Variants in DESI1 observed in about 807,000 individuals in gnomAD.
DESI1 encodes desumoylating isopeptidase 1, also known as PPPDE peptidase domain containing 2.
In DESI1, 17 loss-of-function variants were observed where a neutral mutation model predicts 22.4. The ratio of observed to expected loss-of-function variants is 0.76; its 90% confidence interval spans 0.52 to 1.14. DESI1 has a LOEUF of 1.14. Ranked by LOEUF, DESI1 falls within the 50% of genes most tolerant of loss-of-function variation. The pLI is 0.00. For synonymous variants in DESI1, 92 were observed against 84.2 expected (o/e 1.09, Z -0.51); for missense variants, 177 against 208.9 (o/e 0.85, Z 0.94).
intron 1 of DESI1, among the ~76,000 whole-genome samples, chr22:41,609,909 C>T (rs751194406): frequency 1.3e-5 from 2 of 149,192 alleles, no homozygotes; most frequent in African/African-American, 2.5e-5. Context: ...TCAACAACCC[C>T]GTTTCTACTA....
At chr22:41,609,338 GT>G (rs2067502566) in intron 1 of DESI1, among the ~76,000 whole-genome samples, 1 of 152,192 alleles carries the variant, frequency 6.6e-6, no homozygotes, top group Non-Finnish European at 1.5e-5. Context: ...TACCCAGCCT[GT>G]TTAAGTCTGT....
Position 41,620,762 on chromosome 22 carries a change from G to A in DESI1, c.78C>T (p.Pro26=). Residue 26 remains proline (P), a synonymous_variant, in exon 1 of 6, where the codon CCC becomes CCT. Coordinates refer to ENST00000263256, the MANE Select transcript of DESI1 (RefSeq NM_015704.3). ...CCCCTTCCCCCTCACCCAGCATGAT[G>A]GGGCTGAGCCGCCGGGCCAGGCCTT... ...LSKGLARRLS[P]IMLGKQLEGI... The A allele has an allele frequency of 6.2e-7, 1 of 1,610,916 alleles. No individual in the cohort carries two copies. Among genetic ancestry groups the A allele is most frequent in the Non-Finnish European group, 8.5e-7 (1 of 1,178,690 alleles).
At chr22:41,606,368 A>AG (rs1280507540) in intron 3 of DESI1, among the ~76,000 whole-genome samples, 2 of 152,028 alleles carry the variant, frequency 1.3e-5, no homozygotes, top group African/African-American at 4.8e-5. Context: ...AAAAAAAAAA[A>AG]AAATCCTTCC....
chr22:41,601,198 G>C lies in DESI1; in HGVS notation c.414-8C>G. On this transcript the variant is annotated splice_region_variant and splice_polypyrimidine_tract_variant and intron_variant, in intron 5 of 5. Coordinates refer to ENST00000263256, the MANE Select transcript of DESI1 (RefSeq NM_015704.3). ...AGTGCCTGTCCAAAGGGCCTGCAAG[G>C]AAACAGAGACATGAGAGGGGTGGGC... The C allele has an allele frequency of 1.9e-6, 3 of 1,603,724 alleles. No individual in the cohort carries two copies. The highest frequency in any genetic ancestry group is 2.6e-6 in the Non-Finnish European group (3 of 1,175,320).
intron 1 of DESI1, among the ~76,000 whole-genome samples, chr22:41,620,283 T>C (rs529079120): frequency 2.0e-5 from 3 of 152,088 alleles, no homozygotes; most frequent in Non-Finnish European, 4.4e-5. Flanking sequence ...CTTTTGGCAC[T>C]GAGACAAGGT....
chr22:41,614,157 C>T (rs909913402), intron 1 of DESI1, among the ~76,000 whole-genome samples: 2 of 151,860 alleles, frequency 1.3e-5, no homozygotes, highest in Non-Finnish European at 2.9e-5. Flanking sequence ...CTGCCTCAGC[C>T]TCCCGAGTAG....
chr22:41,606,351 G>A (rs1219703030), intron 3 of DESI1, among the ~76,000 whole-genome samples: 7 of 143,812 alleles, frequency 4.9e-5, no homozygotes, highest in African/African-American at 8.1e-5. Context: ...GCAAGACCCC[G>A]TCTCAAAAAA....
chr22:41,620,448 T>C lies in DESI1; in HGVS notation c.88+304A>G, dbSNP rs189864682. Among the ~76,000 whole-genome samples the C allele has an allele frequency of 5.0e-4, 76 of 152,250 alleles. 1 individual carries two copies. Among genetic ancestry groups the C allele is most frequent in the Middle Eastern group, 6.8e-3 (2 of 294 alleles). On this transcript the variant is annotated intron_variant, in intron 1 of 5. Transcript: ENST00000263256. ...AACCCGCCGGGATCCAGCGCTGGTTTACCCCACACCCTCGTCGAAGGGGCT... is the reference window on the plus strand; with the variant it reads ...AACCCGCCGGGATCCAGCGCTGGTTCACCCCACACCCTCGTCGAAGGGGCT...
chr22:41,601,229 GA>G (rs2067448410), intron 5 of DESI1, 39 bp from the exon 6 acceptor site: 2 of 1,560,134 alleles, frequency 1.3e-6, no homozygotes, highest in South Asian at 2.4e-5. Context: ...TGGGCTCTGG[GA>G]TGTGGCCTGC....
At chr22:41,608,732 G>A (rs2067497156) in intron 1 of DESI1, among the ~76,000 whole-genome samples, 1 of 152,058 alleles carries the variant, frequency 6.6e-6, no homozygotes. Flanking sequence ...TGTAGTTGTG[G>A]GATAGCAGAT....
At chr22:41,616,513 TACC>T (rs916174005) in intron 1 of DESI1, among the ~76,000 whole-genome samples, 3 of 134,104 alleles carry the variant, frequency 2.2e-5, no homozygotes, top group East Asian at 2.2e-4. Flanking sequence ...AAGTACTTCT[TACC>T]ACAATTAAAA....
At chr22:41,614,182 G>A (rs940079823) in intron 1 of DESI1, among the ~76,000 whole-genome samples, 3 of 151,048 alleles carry the variant, frequency 2.0e-5, no homozygotes, top group Non-Finnish European at 4.4e-5. Flanking sequence ...GATTACAGGA[G>A]CTCGCCACCA....
chr22:41,607,931 T>C (rs1463498625), intron 1 of DESI1, 70 bp from the exon 2 acceptor site: 12 of 1,571,346 alleles, frequency 7.6e-6, no homozygotes, highest in Non-Finnish European at 9.6e-6. Flanking sequence ...GGTAAATTCA[T>C]GACATCACTC....
intron 5 of DESI1, chr22:41,602,713 A>G (rs1428293150): frequency 1.0e-6 from 1 of 988,654 alleles, no homozygotes; most frequent in Non-Finnish European, 1.2e-6. Context: ...AGGCTCTTCC[A>G]AGGCTTGGGG....
In DESI1 at chr22:41,620,809, G is replaced by A; in HGVS notation, c.31C>T (p.Leu11Phe). 6.2e-7 allele frequency: 1 copy of A among 1,612,696 alleles called. No homozygotes were observed. Among genetic ancestry groups the A allele is most frequent in the South Asian group, 1.1e-5 (1 of 90,864 alleles). Residue 11 changes from leucine (L) to phenylalanine (F), a missense_variant, in exon 1 of 6, where the codon CTC (leucine) becomes TTC (phenylalanine). Physicochemically the swap from Leu to Phe is conservative, Grantham distance 22. Coordinates refer to ENST00000263256, the MANE Select transcript of DESI1 (RefSeq NM_015704.3). The part of the protein sequence containing the change: MEPPNLYPVK[L>F]YVYDLSKGLA... Reference sequence around the variant, plus strand: ...CCTTTGGACAGGTCGTACACGTAGAGCTTCACCGGATAGAGATTCGGCGGC... The same window carrying A: ...CCTTTGGACAGGTCGTACACGTAGAACTTCACCGGATAGAGATTCGGCGGC...
intron 1 of DESI1, among the ~76,000 whole-genome samples, chr22:41,616,239 G>A (rs1211413772): frequency 6.6e-6 from 1 of 152,070 alleles, no homozygotes; most frequent in Non-Finnish European, 1.5e-5. Context: ...GTGAAACTCT[G>A]CCTCAAAAAA....
At chr22:41,610,873 CA>C (rs132763) in intron 1 of DESI1, among the ~76,000 whole-genome samples, 81 of 139,516 alleles carry the variant, frequency 5.8e-4, no homozygotes, top group Middle Eastern at 3.6e-3. Flanking sequence ...AACTCTGTCT[CA>C]AAAAAAAAAA....
intron 1 of DESI1, among the ~76,000 whole-genome samples, chr22:41,610,241 T>C (rs1268237776): frequency 2.0e-5 from 3 of 151,738 alleles, no homozygotes; most frequent in South Asian, 4.2e-4. Flanking sequence ...TAGCTGGGCA[T>C]GGTGGCAGGC....
At position 41,607,289 on chromosome 22, in the gene DESI1, G is replaced by A. The variant is rs1397058154; in HGVS notation, c.153C>T (p.Gly51=). ...GGGGGCAGCTGGAGATACCACCACT[G>A]CCGAAGAAGAACTCATCCTTGTGCA... ...IVVHKDEFFF[G]SGGISSCPPG... is the part of the protein sequence containing the mutation. Residue 51 remains glycine, a synonymous_variant, in exon 3 of 6, where the codon GGC becomes GGT. Coordinates refer to ENST00000263256, the MANE Select transcript of DESI1 (RefSeq NM_015704.3). The A allele has an allele frequency of 1.2e-5, 19 of 1,612,548 alleles. No homozygotes were observed. The highest frequency in any genetic ancestry group is 1.6e-5 in the Non-Finnish European group (19 of 1,179,336).
Sources: gnomAD v4.1 joint callset for allele counts (sites outside exome capture counted in the v4.1 genomes callset) on GRCh38, gnomAD v4.1.1 for gene constraint, MANE v1.5 for transcripts, NCBI Gene and HGNC (gene_info 2026-07-23, HGNC 2026-07-21) for gene names.